FBN2: variants seen among roughly 807,000 people sequenced by gnomAD.
FBN2 encodes fibrillin-2.
A neutral mutation model predicts 355.6 loss-of-function variants in FBN2; 105 were observed. The observed-to-expected ratio is 0.30, with a 90% CI of 0.25 to 0.35. FBN2 has a LOEUF of 0.35. FBN2 is among the 10% of genes least tolerant of loss of function. The pLI is 1.00. For missense variants in FBN2, 3,280 were observed against 3,758.7 expected (o/e 0.87, Z 3.33); for synonymous variants, 1,350 against 1,301.2 (o/e 1.04, Z -0.81).
At chr5:128,275,974 A>C in intron 59 of FBN2, 64 bp downstream of exon 59, 2 of 1,557,348 alleles carry the variant, frequency 1.3e-6, no homozygotes, top group South Asian at 1.1e-5. Flanking sequence ...CTGATAATCT[A>C]ATATTTAAAT....
intron 20 of FBN2, among the ~76,000 whole-genome samples, chr5:128,354,088 A>C (rs931640435): frequency 6.6e-6 from 1 of 152,220 alleles, no homozygotes; most frequent in African/African-American, 2.4e-5. Flanking sequence ...GTCAGGAATT[A>C]GTTAAGAACT....
chr5:128,464,230 A>G (rs55837052), intron 6 of FBN2, among the ~76,000 whole-genome samples: 1 of 152,182 alleles, frequency 6.6e-6, no homozygotes, highest in East Asian at 1.9e-4. Context: ...CAGGTTACAA[A>G]GTCTGTAATA....
rs941827950 is a variant in FBN2 at position 128,261,639 on chromosome 5, A to G, written c.8364+97T>C. The G allele has an allele frequency of 2.9e-6, 3 of 1,051,970 alleles. No homozygotes were observed. The African/African-American group carries it at 4.7e-5, about 16-fold the overall frequency. 65.2% of individuals were successfully genotyped at this position (1,051,970 alleles called of 1,614,324 possible). A position where few individuals can be genotyped will look rare whatever the true frequency, so the allele number is the denominator to read the frequency against. ...ATTTATCCATTAAATTCAAGGTATG[A>G]TTAACTTCAGTGAGGCTGAAAACGA... On this transcript the variant is annotated intron_variant, in intron 64 of 64. Transcript: ENST00000262464.
In FBN2 at chr5:128,364,697, A is replaced by T; in HGVS notation, c.2331T>A (p.Asp777Glu). ...TTTCACAAATCCCATTGGCACATAT[A>T]TCAGGATCCAAAGCACATTCATTGA... ...RDINECALDP[D>E]ICANGICENL... The change falls in exon 18 of 65, where the codon GAT becomes GAA. Residue 777 changes from aspartate (D) to glutamate (E), a missense_variant. By Grantham distance (45) the Asp-to-Glu change is conservative (BLOSUM62 2). Transcript: ENST00000262464. 1 of 1,613,074 alleles carries T rather than the reference A, an allele frequency of 6.2e-7. No homozygotes were observed. The highest frequency in any genetic ancestry group is 8.5e-7 in the Non-Finnish European group (1 of 1,179,106).
At chr5:128,489,979 T>A (rs1755455973) in intron 5 of FBN2, among the ~76,000 whole-genome samples, 1 of 152,136 alleles carries the variant, frequency 6.6e-6, no homozygotes, top group Admixed American at 6.6e-5. Flanking sequence ...TAAATCTCAG[T>A]GCAATCATTT....
intron 7 of FBN2, among the ~76,000 whole-genome samples, chr5:128,429,071 A>G (rs1245736892): frequency 6.6e-6 from 1 of 152,212 alleles, no homozygotes; most frequent in Non-Finnish European, 1.5e-5. Context: ...CTCACCTGGC[A>G]GATGGGAAAC....
At chr5:128,383,638 G>C (rs1352052872) in intron 11 of FBN2, among the ~76,000 whole-genome samples, 1 of 151,950 alleles carries the variant, frequency 6.6e-6, no homozygotes, top group African/African-American at 2.4e-5. Context: ...TTTTAAAATG[G>C]ACCAAGATTT....
chr5:128,370,075 AG>A (rs1222178093), intron 15 of FBN2, among the ~76,000 whole-genome samples: 1 of 152,128 alleles, frequency 6.6e-6, no homozygotes, highest in African/African-American at 2.4e-5. Flanking sequence ...GGTTCAGACA[AG>A]GTTTATGTGA....
chr5:128,449,417 AC>A (rs1754170092), intron 6 of FBN2, among the ~76,000 whole-genome samples: 1 of 145,566 alleles, frequency 6.9e-6, no homozygotes, highest in Admixed American at 6.9e-5. Context: ...TATATAGTAT[AC>A]TATATAATAG....
At chr5:128,288,682 T>A (rs891508698) in intron 52 of FBN2, 125 bp from the exon 53 acceptor site, 16 of 1,101,252 alleles carry the variant, frequency 1.5e-5, no homozygotes, top group East Asian at 2.4e-5. Context: ...AACCCTGGCA[T>A]CCCTTGGGCC....
intron 7 of FBN2, among the ~76,000 whole-genome samples, chr5:128,445,500 C>T (rs1480143823): frequency 6.6e-6 from 1 of 152,050 alleles, no homozygotes; most frequent in Non-Finnish European, 1.5e-5. Context: ...TTAGATTTTG[C>T]CTCTTCCCAT....
At chr5:128,313,719 G>T (rs1489933176) in intron 36 of FBN2, among the ~76,000 whole-genome samples, 1 of 151,740 alleles carries the variant, frequency 6.6e-6, no homozygotes, top group Non-Finnish European at 1.5e-5. Flanking sequence ...TGAGCATGGT[G>T]GCGGGCACCT....
Position 128,408,677 on chromosome 5 carries a change from T to C in FBN2, c.1075A>G (p.Ile359Val). The change falls in exon 8 of 65, where the codon ATC (isoleucine) becomes GTC (valine). Residue 359 changes from isoleucine to valine, a missense_variant. Ile to Val is a conservative substitution (Grantham distance 29). Around this residue, in one of 6 missense-constraint regions of FBN2, gnomAD observed 343 missense variants for 331.0 expected, o/e 1.04. Transcript: ENST00000262464. ...YVTSTDGSRCIDQRTGMCFSG... is the reference protein window; with the variant it reads ...YVTSTDGSRCVDQRTGMCFSG... ...GCCTTCAAAATGCGAGGCTTACCGA[T>C]GCATCGAGAGCCATCTGTTGAGGTT... 1.2e-6 allele frequency: 2 copies of C among 1,613,990 alleles called. No homozygotes were observed. Among genetic ancestry groups the C allele is most frequent in the Non-Finnish European group, 1.7e-6 (2 of 1,179,894 alleles).
intron 18 of FBN2, among the ~76,000 whole-genome samples, chr5:128,362,755 G>A (rs1003112281): frequency 6.6e-6 from 1 of 152,112 alleles, no homozygotes; most frequent in Non-Finnish European, 1.5e-5. Context: ...ATAAGCTACC[G>A]CACCTGGCCT....
intron 7 of FBN2, chr5:128,441,870 T>C (rs909611877): frequency 6.6e-6 from 1 of 152,382 alleles, no homozygotes; most frequent in Non-Finnish European, 1.5e-5. Context: ...CTTATCTGTT[T>C]CCAATGTTAG....
intron 5 of FBN2, among the ~76,000 whole-genome samples, chr5:128,500,158 TA>T (rs978880243): frequency 1.3e-5 from 2 of 151,932 alleles, no homozygotes; most frequent in Middle Eastern, 3.4e-3. Context: ...TTAAATGTGA[TA>T]AAAAAAATTC....
chr5:128,293,240 T>C (rs1435172168), intron 48 of FBN2, among the ~76,000 whole-genome samples: 1 of 152,158 alleles, frequency 6.6e-6, no homozygotes, highest in Non-Finnish European at 1.5e-5. Flanking sequence ...AAACCATTTT[T>C]TCACACTTTG....
intron 34 of FBN2, among the ~76,000 whole-genome samples, chr5:128,327,699 C>T (rs938533826): frequency 1.3e-5 from 2 of 151,248 alleles, no homozygotes; most frequent in East Asian, 1.9e-4. Context: ...AGTGCAATGG[C>T]GCAATCTTGG....
At chr5:128,516,715 A>G in intron 5 of FBN2, among the ~76,000 whole-genome samples, 1 of 152,206 alleles carries the variant, frequency 6.6e-6, no homozygotes, top group East Asian at 1.9e-4. Flanking sequence ...TCAGTAATTT[A>G]AAAATATATA....
Sources: allele counts gnomAD v4.1 joint callset (sites outside exome capture counted in the v4.1 genomes callset), GRCh38; gene constraint gnomAD v4.1.1; regional missense constraint gnomAD v4.1.1; transcripts MANE v1.5; gene names NCBI Gene and HGNC (gene_info 2026-07-23, HGNC 2026-07-21).